The following ETAA1 variants were observed in gnomAD, a reference collection of about 807,000 sequenced individuals.
The protein encoded by ETAA1 is ETAA1 activator of ATR kinase.
ETAA1 carries 49 observed loss-of-function variants against 76.8 expected under a neutral mutation model. That is an observed-to-expected ratio of 0.64 (90% CI 0.51 to 0.81). ETAA1 has a LOEUF of 0.81. ETAA1 is among the 30% of genes least tolerant of loss of function. The pLI, the probability that ETAA1 is intolerant of heterozygous loss-of-function variation, is 0.00. For synonymous variants in ETAA1, 373 were observed against 372.2 expected (o/e 1.00, Z -0.03); for missense variants, 1,099 against 1,074.0 (o/e 1.02, Z -0.32).
chr2:67,406,485 CTG>C (rs1676223542), intron 5 of ETAA1, among the ~76,000 whole-genome samples: 1 of 152,058 alleles, frequency 6.6e-6, no homozygotes, highest in South Asian at 2.1e-4. Context: ...TGACTCTTCT[CTG>C]TCTTGTTGGC....
Position 67,405,312 on chromosome 2 carries a change from A to G in ETAA1, c.2630A>G (p.Glu877Gly), listed in dbSNP as rs1676186364. 1.9e-6 allele frequency: 3 copies of G among 1,546,198 alleles called. No individual in the cohort carries two copies. The highest frequency in any genetic ancestry group is 2.6e-6 in the Non-Finnish European group (3 of 1,150,170). Residue 877 changes from glutamate to glycine, a missense_variant, in exon 5 of 6, where the codon GAA becomes GGA. Coordinates refer to ENST00000272342, the MANE Select transcript of ETAA1 (RefSeq NM_019002.4). Reference protein sequence around the residue: ...VGQQSLVKLSESLKQSSKEEE... With the variant: ...VGQQSLVKLSGSLKQSSKEEE... ...CAGCAATCTTTGGTGAAACTTTCTG[A>G]ATCTTTGAAACAATCTTCAAAAGGT... is the stretch of plus-strand genomic sequence containing the variant.
chr2:67,406,277 C>T (rs1177776670), intron 5 of ETAA1, among the ~76,000 whole-genome samples: 1 of 152,136 alleles, frequency 6.6e-6, no homozygotes, highest in East Asian at 1.9e-4. Context: ...GGAACTTAGA[C>T]CGTGCTCTTC....
intron 5 of ETAA1, among the ~76,000 whole-genome samples, chr2:67,407,246 TAAAAAAA>T (rs71395915): frequency 4.9e-5 from 5 of 102,296 alleles, no homozygotes; most frequent in African/African-American, 1.1e-4. Context: ...GCTGATGAAC[TAAAAAAA>T]AAAAAAAAAA....
At chr2:67,398,490 C>T (rs1675960441) in intron 1 of ETAA1, among the ~76,000 whole-genome samples, 1 of 151,888 alleles carries the variant, frequency 6.6e-6, no homozygotes, top group Non-Finnish European at 1.5e-5. Flanking sequence ...CGTGTGCCAC[C>T]TCGCCCGGCT....
In ETAA1 at chr2:67,405,043, T is replaced by C; in HGVS notation, c.2361T>C (p.Ile787=). ...CTTCAGATCATATGAATACAGAAAT[T>C]ACTACTTATAAGAAGAAATTGAGTA... The part of the protein sequence containing the change: ...NVTSDHMNTE[I]TTYKKKLSTN... The change falls in exon 5 of 6, where the codon ATT becomes ATC. Residue 787 remains isoleucine, a synonymous_variant. Coordinates refer to ENST00000272342, the MANE Select transcript of ETAA1 (RefSeq NM_019002.4). 2 of 1,611,524 alleles carry C rather than the reference T, an allele frequency of 1.2e-6. No individual in the cohort carries two copies. The highest frequency in any genetic ancestry group is 1.7e-6 in the Non-Finnish European group (2 of 1,178,842).
At chr2:67,402,786 CTTTCT>C (rs1359909516) in intron 3 of ETAA1, 71 bp from the exon 4 acceptor site, 2 of 955,956 alleles carry the variant, frequency 2.1e-6, no homozygotes, top group East Asian at 5.8e-5. Flanking sequence ...TGTCTTTTTT[CTTTCT>C]TTTGTTTTTT....
chr2:67,404,304 C>T lies in ETAA1; in HGVS notation c.1622C>T (p.Ser541Phe), dbSNP rs773706254. 1.9e-6 allele frequency: 3 copies of T among 1,612,194 alleles called. No individual in the cohort carries two copies. Among genetic ancestry groups the T allele is most frequent in the South Asian group, 1.1e-5 (1 of 90,950 alleles). ...AAAAATAAGTGCATTTTAAATCAGT[C>T]TATTAAAGCCCCTGTTAATACTGAT... is the stretch of plus-strand genomic sequence containing the variant. Reference protein sequence around the residue: ...EQKNKCILNQSIKAPVNTDLF... With the variant: ...EQKNKCILNQFIKAPVNTDLF... Residue 541 changes from serine (S) to phenylalanine (F), a missense_variant, in exon 5 of 6, where the codon TCT (serine) becomes TTT (phenylalanine). Around this residue, in one of 3 missense-constraint regions of ETAA1, gnomAD observed 761 missense variants for 731.9 expected, o/e 1.04. Coordinates refer to ENST00000272342, the MANE Select transcript of ETAA1 (RefSeq NM_019002.4).
At chr2:67,408,045 G>A (rs912309535) in intron 5 of ETAA1, among the ~76,000 whole-genome samples, 1 of 152,058 alleles carries the variant, frequency 6.6e-6, no homozygotes, top group Non-Finnish European at 1.5e-5. Context: ...TGGATAATCT[G>A]CGTTTTAGCT....
chr2:67,398,305 G>A (rs1675946603), intron 1 of ETAA1, among the ~76,000 whole-genome samples: 2 of 88,640 alleles, frequency 2.3e-5, no homozygotes, highest in Non-Finnish European at 4.2e-5. Flanking sequence ...TTGAAATAGT[G>A]CTTTTTTTTT....
rs1395355473 is a variant in ETAA1, at chr2:67,405,035, A to G, written c.2353A>G (p.Thr785Ala). ...SLNVTSDHMN[T>A]EITTYKKKLS... Reference sequence around the variant, plus strand: ...GAATGTAACTTCAGATCATATGAATACAGAAATTACTACTTATAAGAAGAA... The same window carrying G: ...GAATGTAACTTCAGATCATATGAATGCAGAAATTACTACTTATAAGAAGAA... Residue 785 changes from threonine to alanine, a missense_variant, in exon 5 of 6, where the codon ACA becomes GCA. This residue lies in a region of ETAA1 where 302 missense variants were observed against 278.1 expected (regional missense o/e 1.09). Coordinates refer to ENST00000272342, the MANE Select transcript of ETAA1 (RefSeq NM_019002.4). The G allele has an allele frequency of 6.2e-7, 1 of 1,611,564 alleles. No homozygotes were observed. Among genetic ancestry groups the G allele is most frequent in the Non-Finnish European group, 8.5e-7 (1 of 1,178,782 alleles).
rs1390159123 is a variant in ETAA1, at chr2:67,397,639, C to T, written c.191C>T (p.Thr64Ile). 1 of 1,547,322 alleles carries T rather than the reference C, an allele frequency of 6.5e-7. No individual in the cohort carries two copies. Among genetic ancestry groups the T allele is most frequent in the Middle Eastern group, 2.3e-4 (1 of 4,426 alleles). ...GTGCGGCAGCGAGAGCAGCCTCCGA[C>T]CGCCGCCCTGTGCAGTAAAAGTAAC... Reference protein sequence around the residue: ...GPVRQREQPPTAALCSKSNPE... With the variant: ...GPVRQREQPPIAALCSKSNPE... The change falls in exon 1 of 6, where the codon ACC (threonine) becomes ATC (isoleucine). Residue 64 changes from threonine (T) to isoleucine (I), a missense_variant. Physicochemically the swap from Thr to Ile is moderately conservative, Grantham distance 89. Coordinates refer to ENST00000272342, the MANE Select transcript of ETAA1 (RefSeq NM_019002.4).
intron 5 of ETAA1, among the ~76,000 whole-genome samples, chr2:67,405,898 A>G (rs1301249707): frequency 3.3e-5 from 5 of 152,006 alleles, no homozygotes; most frequent in Non-Finnish European, 7.4e-5. Flanking sequence ...CCAAGTCTCC[A>G]TTCTATCAAT....
chr2:67,399,122 A>G (rs752437911), intron 1 of ETAA1, 47 bp from the exon 2 acceptor site: 1 of 1,559,748 alleles, frequency 6.4e-7, no homozygotes, highest in South Asian at 1.2e-5. Flanking sequence ...GAAGTAAGGT[A>G]ATGCTTTAAA....
intron 5 of ETAA1, among the ~76,000 whole-genome samples, chr2:67,406,528 C>G (rs1676224617): frequency 6.6e-6 from 1 of 151,978 alleles, no homozygotes; most frequent in African/African-American, 2.4e-5. Flanking sequence ...ATCTAAGTGA[C>G]TTTTTTTAAA....
intron 1 of ETAA1, among the ~76,000 whole-genome samples, chr2:67,398,503 T>C (rs1675961561): frequency 6.6e-6 from 1 of 151,720 alleles, no homozygotes. Flanking sequence ...GCCCGGCTAA[T>C]TTTTTGTATT....
intron 4 of ETAA1, 50 bp from the exon 5 acceptor site, chr2:67,403,175 G>A: frequency 4.7e-6 from 6 of 1,281,542 alleles, no homozygotes; most frequent in Non-Finnish European, 5.4e-6. Flanking sequence ...ATAACAGTTG[G>A]ATATAATGTT....
chr2:67,403,498 G>T lies in ETAA1; in HGVS notation c.816G>T (p.Lys272Asn). Residue 272 changes from lysine (K) to asparagine (N), a missense_variant, in exon 5 of 6, where the codon AAG becomes AAT. Physicochemically the swap from Lys to Asn is moderately conservative, Grantham distance 94. Transcript: ENST00000272342. Reference sequence around the variant, plus strand: ...CAAATAATCAAAATAGCAGTCAGAAGCCATTTGACCAAATTGCTGAAGCAG... The same window carrying T: ...CAAATAATCAAAATAGCAGTCAGAATCCATTTGACCAAATTGCTGAAGCAG... ...SVANNQNSSQKPFDQIAEAAF... is the reference protein window; with the variant it reads ...SVANNQNSSQNPFDQIAEAAF... 6.2e-7 allele frequency: 1 copy of T among 1,613,444 alleles called. No individual in the cohort carries two copies. Among genetic ancestry groups the T allele is most frequent in the South Asian group, 1.1e-5 (1 of 91,070 alleles).
chr2:67,401,951 C>G (rs1469056505), intron 3 of ETAA1: 1 of 151,852 alleles, frequency 6.6e-6, no homozygotes, highest in African/African-American at 2.4e-5. Context: ...TATACTGACA[C>G]TGGTATGCCC....
At chr2:67,408,321 G>A (rs997749457) in intron 5 of ETAA1, among the ~76,000 whole-genome samples, 1 of 151,838 alleles carries the variant, frequency 6.6e-6, no homozygotes, top group Non-Finnish European at 1.5e-5. Context: ...CATTTTAAAT[G>A]GTTGGAAAAA....
Sources: gnomAD v4.1 joint callset for allele counts (sites outside exome capture counted in the v4.1 genomes callset) on GRCh38, gnomAD v4.1.1 for gene constraint, gnomAD v4.1.1 regional missense constraint, MANE v1.5 for transcripts, NCBI Gene and HGNC (gene_info 2026-07-23, HGNC 2026-07-21) for gene names.